FAM124A: variants seen among roughly 807,000 people sequenced by gnomAD.
FAM124A encodes the protein protein FAM124A.
FAM124A carries 23 observed loss-of-function variants against 24.5 expected under a neutral mutation model. The observed-to-expected ratio is 0.94, with a 90% CI of 0.68 to 1.33. The LOEUF (loss-of-function observed/expected upper bound fraction) is 1.33. Ranked by LOEUF, FAM124A falls within the 40% of genes most tolerant of loss-of-function variation. FAM124A has a pLI of 0.00. For missense variants in FAM124A, 623 were observed against 722.8 expected (o/e 0.86, Z 1.58); for synonymous variants, 287 against 314.7 (o/e 0.91, Z 0.93).
intron 2 of FAM124A, among the ~76,000 whole-genome samples, chr13:51,246,192 T>G (rs1954555557): frequency 6.6e-6 from 1 of 152,174 alleles, no homozygotes; most frequent in South Asian, 2.1e-4. Flanking sequence ...CTGGTCTGTG[T>G]TTTACCATAA....
chr13:51,277,048 G>A (rs9535634), intron 3 of FAM124A, among the ~76,000 whole-genome samples: 64,189 of 151,866 alleles, frequency 0.42, 16,028 homozygotes, highest in African/African-American at 0.7. Context: ...TCACAGCACT[G>A]TCCACAGTAG....
intron 2 of FAM124A, among the ~76,000 whole-genome samples, chr13:51,247,572 G>A (rs1172133861): frequency 6.6e-6 from 1 of 152,174 alleles, no homozygotes; most frequent in East Asian, 1.9e-4. Context: ...TGGTGGCCCA[G>A]GCAGCTTCTT....
At chr13:51,223,821 A>C (rs1954288272) in intron 1 of FAM124A, among the ~76,000 whole-genome samples, 1 of 117,414 alleles carries the variant, frequency 8.5e-6, no homozygotes, top group Non-Finnish European at 2.0e-5. Context: ...GGCATTTATC[A>C]ACTTTAACAA....
chr13:51,257,373 A>T (rs767073169), intron 3 of FAM124A, among the ~76,000 whole-genome samples: 2 of 152,230 alleles, frequency 1.3e-5, no homozygotes, highest in Non-Finnish European at 2.9e-5. Flanking sequence ...GGTGAAGCAC[A>T]TGGTATTCTC....
Position 51,266,018 on chromosome 13 carries a change from A to G in FAM124A, c.834+13817A>G, listed in dbSNP as rs942972858. ...ATATATGTATACGTATATAGATAAT[A>G]TGTGTGCATATGTAGATTTTTAAAA... On this transcript the variant is annotated intron_variant, in intron 3 of 3. Transcript: ENST00000322475. Among the ~76,000 whole-genome samples, 3 of 152,348 alleles carry G rather than the reference A, an allele frequency of 2.0e-5. No homozygotes were observed. In the East Asian group the frequency reaches 5.8e-4, roughly 29 times the overall value.
intron 3 of FAM124A, among the ~76,000 whole-genome samples, chr13:51,272,000 G>A (rs949003953): frequency 2.6e-5 from 4 of 152,146 alleles, no homozygotes; most frequent in Non-Finnish European, 5.9e-5. Flanking sequence ...TTGAGTTTTC[G>A]TAATCCATTT....
In FAM124A at chr13:51,235,929, A is replaced by T. The variant is rs569792993; in HGVS notation, c.100+4550A>T. On this transcript the variant is annotated intron_variant, in intron 2 of 3. Coordinates refer to ENST00000322475, the MANE Select transcript of FAM124A (RefSeq NM_001242312.2). ...TGAGCCATGCAAAAAGGCACAACTG[A>T]TGGGTGGCTGTGAGTCACTGAAACT... 7.2e-5 allele frequency among the ~76,000 whole-genome samples: 11 copies of T among 152,338 alleles called. No homozygotes were observed. In the East Asian group the frequency reaches 2.1e-3, roughly 29 times the overall value.
chr13:51,279,757 A>G (rs1954916872), intron 3 of FAM124A, among the ~76,000 whole-genome samples: 1 of 152,216 alleles, frequency 6.6e-6, no homozygotes, highest in South Asian at 2.1e-4. Context: ...ATCAGTCAGC[A>G]GGCGGCAGCT....
At chr13:51,263,178 G>A (rs1479967929) in intron 3 of FAM124A, among the ~76,000 whole-genome samples, 1 of 152,040 alleles carries the variant, frequency 6.6e-6, no homozygotes, top group Non-Finnish European at 1.5e-5. Flanking sequence ...TCCAGGCCCA[G>A]CCCACAGGGG....
intron 3 of FAM124A, among the ~76,000 whole-genome samples, chr13:51,267,742 C>T (rs1285154646): frequency 6.6e-6 from 1 of 152,100 alleles, no homozygotes; most frequent in African/African-American, 2.4e-5. Context: ...GTTAAGCTGC[C>T]CTTCTACTAA....
chr13:51,275,309 T>C (rs777956674), intron 3 of FAM124A, among the ~76,000 whole-genome samples: 7 of 152,082 alleles, frequency 4.6e-5, no homozygotes, highest in Non-Finnish European at 8.8e-5. Context: ...GCCCAGGAGT[T>C]TGAGGCTGCA....
At chr13:51,256,739 A>G (rs189903660) in intron 3 of FAM124A, among the ~76,000 whole-genome samples, 11 of 152,330 alleles carry the variant, frequency 7.2e-5, no homozygotes, top group Admixed American at 6.5e-4. Flanking sequence ...CCTACAGTTC[A>G]GTGGTTTTAT....
At chr13:51,267,925 G>A (rs936469452) in intron 3 of FAM124A, among the ~76,000 whole-genome samples, 31 of 152,354 alleles carry the variant, frequency 2.0e-4, no homozygotes, top group Middle Eastern at 3.4e-3. Flanking sequence ...CAGATGTCAC[G>A]AGGCATTGGG....
chr13:51,265,544 G>T (rs967683877), intron 3 of FAM124A, among the ~76,000 whole-genome samples: 1 of 152,182 alleles, frequency 6.6e-6, no homozygotes, highest in African/African-American at 2.4e-5. Flanking sequence ...GTTCTCGCGT[G>T]CCTAAATCAA....
chr13:51,231,756 T>G (rs1027619371), intron 2 of FAM124A, among the ~76,000 whole-genome samples: 1 of 152,240 alleles, frequency 6.6e-6, no homozygotes, highest in Non-Finnish European at 1.5e-5. Flanking sequence ...GCTCATCTCT[T>G]GCAAAATCTC....
intron 2 of FAM124A, among the ~76,000 whole-genome samples, chr13:51,239,462 T>C (rs1593590105): frequency 6.6e-6 from 1 of 152,238 alleles, no homozygotes; most frequent in East Asian, 1.9e-4. Flanking sequence ...AGTACAAACA[T>C]CTTTATATGC....
Position 51,282,763 on chromosome 13 carries a change from A to G in FAM124A, c.*1507A>G, listed in dbSNP as rs1480384268. ...TCAGCTGAAGCTTCAAGTCTTTGCC[A>G]TCCTTGTAATGACAGCCTTAGGCCT... is the stretch of plus-strand genomic sequence containing the variant. On this transcript the variant is annotated 3_prime_UTR_variant, in exon 4 of 4. Transcript: ENST00000322475. 6.6e-6 allele frequency: 1 copy of G among 152,224 alleles called. No individual in the cohort carries two copies. 9.4% of individuals were successfully genotyped at this position (152,224 alleles called of 1,614,324 possible).
intron 3 of FAM124A, among the ~76,000 whole-genome samples, chr13:51,261,517 T>C (rs938412166): frequency 2.6e-5 from 4 of 152,216 alleles, no homozygotes; most frequent in Admixed American, 6.5e-5. Context: ...TTTTCAGCCC[T>C]GAGAGGAAGA....
chr13:51,242,742 A>T (rs769510749), intron 2 of FAM124A, among the ~76,000 whole-genome samples: 4 of 152,192 alleles, frequency 2.6e-5, no homozygotes, highest in African/African-American at 4.8e-5. Flanking sequence ...TATCTAAAGT[A>T]TCTGCCTTAC....
Sources: allele counts gnomAD v4.1 joint callset (sites outside exome capture counted in the v4.1 genomes callset), GRCh38; gene constraint gnomAD v4.1.1; transcripts MANE v1.5; gene names NCBI Gene and HGNC (gene_info 2026-07-23, HGNC 2026-07-21).